RHOJ: variants seen among roughly 807,000 people sequenced by gnomAD.
RHOJ encodes the protein rho-related GTP-binding protein RhoJ.
RHOJ carries 11 observed loss-of-function variants against 23.4 expected under a neutral mutation model. The observed-to-expected ratio is 0.47, with a 90% CI of 0.30 to 0.78. The LOEUF (loss-of-function observed/expected upper bound fraction) is 0.78. RHOJ is among the 30% of genes least tolerant of loss of function. RHOJ has a pLI of 0.08. For synonymous variants in RHOJ, 102 were observed against 102.7 expected (o/e 0.99, Z 0.04); for missense variants, 254 against 273.4 (o/e 0.93, Z 0.50).
chr14:63,224,474 A>G (rs1207384398), intron 1 of RHOJ, among the ~76,000 whole-genome samples: 3 of 152,184 alleles, frequency 2.0e-5, no homozygotes, highest in Non-Finnish European at 4.4e-5. Flanking sequence ...GGCACAGCCC[A>G]CATCCCTTAG....
rs139758846 is a variant in RHOJ at position 63,205,007 on chromosome 14, C to T, written c.138C>T (p.Phe46=). The part of the protein sequence containing the change: ...CLLMSYANDA[F]PEEYVPTVFD... ...TGATGAGCTACGCCAACGACGCCTT[C>T]CCAGAGGAATACGTGCCCACTGTGT... Residue 46 remains phenylalanine (F), a synonymous_variant, in exon 1 of 5, where the codon TTC becomes TTT. Coordinates refer to ENST00000316754, the MANE Select transcript of RHOJ (RefSeq NM_020663.5). 1,000 of 1,614,184 alleles carry T rather than the reference C, an allele frequency of 6.2e-4. 11 individuals are homozygous for T. The African/African-American group carries it at 0.012, about 20-fold the overall frequency.
intron 1 of RHOJ, among the ~76,000 whole-genome samples, chr14:63,256,068 G>A (rs1233033795): frequency 6.6e-6 from 1 of 151,708 alleles, no homozygotes; most frequent in African/African-American, 2.4e-5. Flanking sequence ...TTGTTTTTTT[G>A]GTAGAGACAA....
At chr14:63,211,710 T>A (rs779710047) in intron 1 of RHOJ, among the ~76,000 whole-genome samples, 1 of 152,204 alleles carries the variant, frequency 6.6e-6, no homozygotes, top group Non-Finnish European at 1.5e-5. Flanking sequence ...CTAGATTTTA[T>A]TCCATCTAAC....
chr14:63,217,156 A>G (rs1473360606), intron 1 of RHOJ, among the ~76,000 whole-genome samples: 117 of 145,818 alleles, frequency 8.0e-4, no homozygotes, highest in Middle Eastern at 3.2e-3. Flanking sequence ...TTACATACGT[A>G]TACATGTGCC....
chr14:63,291,239 T>A lies in RHOJ; in HGVS notation c.*215T>A, dbSNP rs1299503269. The A allele has an allele frequency of 1.2e-5, 7 of 583,520 alleles. No individual in the cohort carries two copies. The highest frequency in any genetic ancestry group is 1.9e-5 in the Non-Finnish European group (6 of 323,674). The allele number at this position is 583,520 out of a possible 1,614,324, so 36.1% of individuals were successfully genotyped here. On this transcript the variant is annotated 3_prime_UTR_variant, in exon 5 of 5. Coordinates refer to ENST00000316754, the MANE Select transcript of RHOJ (RefSeq NM_020663.5). ...CCAGAAGCATCCGTACTGCACGCTG[T>A]CTGAGAATGCTGGGCCTGGATTGCA...
At chr14:63,249,379 G>A (rs1248066431) in intron 1 of RHOJ, among the ~76,000 whole-genome samples, 2 of 152,300 alleles carry the variant, frequency 1.3e-5, no homozygotes, top group Non-Finnish European at 1.5e-5. Flanking sequence ...GCCAGCATAT[G>A]CTCAACACTG....
chr14:63,239,499 A>T (rs1056310197), intron 1 of RHOJ, among the ~76,000 whole-genome samples: 3 of 152,168 alleles, frequency 2.0e-5, no homozygotes, highest in Non-Finnish European at 2.9e-5. Flanking sequence ...GAGCCCACAG[A>T]TTTTCTGTAA....
intron 1 of RHOJ, among the ~76,000 whole-genome samples, chr14:63,232,058 A>C (rs1894705704): frequency 6.6e-6 from 1 of 152,174 alleles, no homozygotes; most frequent in Non-Finnish European, 1.5e-5. Flanking sequence ...TGCTTAGGAC[A>C]CTGGCATGCC....
At chr14:63,229,262 A>T (rs1044354498) in intron 1 of RHOJ, among the ~76,000 whole-genome samples, 8 of 152,238 alleles carry the variant, frequency 5.3e-5, no homozygotes, top group African/African-American at 1.9e-4. Context: ...GTTAGTTTGA[A>T]TTTAACTATG....
At chr14:63,211,532 T>C (rs1894238781) in intron 1 of RHOJ, among the ~76,000 whole-genome samples, 1 of 152,240 alleles carries the variant, frequency 6.6e-6, no homozygotes, top group Non-Finnish European at 1.5e-5. Context: ...GATGTTTTGA[T>C]ATAGGCATAT....
At chr14:63,240,445 G>A (rs1384232056) in intron 1 of RHOJ, among the ~76,000 whole-genome samples, 4 of 152,108 alleles carry the variant, frequency 2.6e-5, no homozygotes, top group Admixed American at 6.5e-5. Context: ...GGCTGCTGTA[G>A]CACAGTATAA....
At chr14:63,210,579 G>A (rs961871680) in intron 1 of RHOJ, among the ~76,000 whole-genome samples, 8 of 152,164 alleles carry the variant, frequency 5.3e-5, no homozygotes, top group Non-Finnish European at 7.3e-5. Flanking sequence ...ATGACTCAAC[G>A]CGTCCCAACA....
intron 1 of RHOJ, among the ~76,000 whole-genome samples, chr14:63,226,698 G>GA (rs1034590834): frequency 1.6e-4 from 24 of 147,546 alleles, no homozygotes; most frequent in African/African-American, 2.0e-4. Context: ...TATTGCTCAA[G>GA]AAAAAAAAAA....
intron 1 of RHOJ, among the ~76,000 whole-genome samples, chr14:63,264,981 G>GTTTGT (rs1170027236): frequency 2.6e-5 from 4 of 152,156 alleles, no homozygotes; most frequent in Admixed American, 2.0e-4. Flanking sequence ...TCTGTTGATA[G>GTTTGT]TTTGTTTTGT....
chr14:63,287,203 C>T (rs1200168730), intron 4 of RHOJ, among the ~76,000 whole-genome samples: 1 of 152,194 alleles, frequency 6.6e-6, no homozygotes, highest in East Asian at 1.9e-4. Context: ...AATTTCATGA[C>T]ATTTGCTAGA....
chr14:63,207,959 T>C (rs1894150306), intron 1 of RHOJ, among the ~76,000 whole-genome samples: 1 of 152,070 alleles, frequency 6.6e-6, no homozygotes, highest in Admixed American at 6.5e-5. Flanking sequence ...GGAATGAAAA[T>C]GTAATTAAAA....
At position 63,257,840 on chromosome 14, in the gene RHOJ, G is replaced by A. The variant is rs543845168; in HGVS notation, c.179-11270G>A. On this transcript the variant is annotated intron_variant, in intron 1 of 4. Coordinates refer to ENST00000316754, the MANE Select transcript of RHOJ (RefSeq NM_020663.5). ...TGCTCCACGGGGACAGAGGAGGGGA[G>A]GTGATTTCACATCCCTCCATCCAGG... 1.5e-4 allele frequency among the ~76,000 whole-genome samples: 22 copies of A among 149,500 alleles called. 2 individuals are homozygous for A. The highest frequency in any genetic ancestry group is 5.2e-4 in the African/African-American group (21 of 40,638).
chr14:63,254,068 G>T (rs537003007), intron 1 of RHOJ, among the ~76,000 whole-genome samples: 1 of 152,228 alleles, frequency 6.6e-6, no homozygotes, highest in South Asian at 2.1e-4. Flanking sequence ...AAGGTCTTGA[G>T]CTGATCCCCC....
At chr14:63,229,437 G>A (rs1023550893) in intron 1 of RHOJ, among the ~76,000 whole-genome samples, 3 of 152,090 alleles carry the variant, frequency 2.0e-5, no homozygotes, top group Admixed American at 6.5e-5. Flanking sequence ...CAAATTGGTG[G>A]CCAGGCTGGT....
Sources: gnomAD v4.1 joint callset for allele counts (sites outside exome capture counted in the v4.1 genomes callset) on GRCh38, gnomAD v4.1.1 for gene constraint, MANE v1.5 for transcripts, NCBI Gene and HGNC (gene_info 2026-07-23, HGNC 2026-07-21) for gene names.